The following IQCK variants were observed in gnomAD, a reference collection of about 807,000 sequenced individuals.
The protein encoded by IQCK is IQ domain-containing protein K.
A neutral mutation model predicts 28.1 loss-of-function variants in IQCK; 29 were observed. The observed-to-expected ratio is 1.03, with a 90% CI of 0.77 to 1.41. The LOEUF is 1.41. IQCK is among the 40% of genes most tolerant of loss of function. IQCK has a pLI of 0.00. For synonymous variants in IQCK, 113 were observed against 115.1 expected (o/e 0.98, Z 0.12); for missense variants, 359 against 314.7 (o/e 1.14, Z -1.07).
chr16:19,785,642 T>G (rs2055552600), intron 6 of IQCK, among the ~76,000 whole-genome samples: 1 of 152,130 alleles, frequency 6.6e-6, no homozygotes, highest in African/African-American at 2.4e-5. Flanking sequence ...TTTGCATAAC[T>G]TTATAACTTC....
chr16:19,723,460 C>T (rs1251458446), intron 1 of IQCK, among the ~76,000 whole-genome samples: 2 of 152,112 alleles, frequency 1.3e-5, no homozygotes, highest in Non-Finnish European at 2.9e-5. Flanking sequence ...TGCATTACTT[C>T]TCATTTAAGC....
chr16:19,764,173 T>C lies in IQCK; in HGVS notation c.605+61T>C, dbSNP rs747125692. On this transcript the variant is annotated intron_variant, in intron 6 of 7. Transcript: ENST00000564186. ...TAATTTAAGATTGTGTTAATAATAC[T>C]TTTCTTCCATCTAAGAGAACAAACT... The C allele has an allele frequency of 2.9e-6, 4 of 1,361,904 alleles. No individual in the cohort carries two copies. In the South Asian group the frequency reaches 3.8e-5, roughly 13 times the overall value. The allele number at this position is 1,361,904 out of a possible 1,614,324, so 84.4% of individuals were successfully genotyped here. A position where few individuals can be genotyped will look rare whatever the true frequency, so the allele number is the denominator to read the frequency against.
chr16:19,855,164 A>G (rs1441687401), intron 9 of IQCK, among the ~76,000 whole-genome samples: 1 of 152,134 alleles, frequency 6.6e-6, no homozygotes, highest in Non-Finnish European at 1.5e-5. Context: ...GCCAGGAATG[A>G]CAGGAGGGTG....
chr16:19,846,435 T>C (rs892721791), intron 9 of IQCK, among the ~76,000 whole-genome samples: 1 of 152,230 alleles, frequency 6.6e-6, no homozygotes, highest in African/African-American at 2.4e-5. Flanking sequence ...ATCAAGACCC[T>C]TTACGGGGTC....
chr16:19,826,509 C>A (rs1446393915), intron 7 of IQCK, among the ~76,000 whole-genome samples: 1 of 152,124 alleles, frequency 6.6e-6, no homozygotes, highest in Non-Finnish European at 1.5e-5. Context: ...TCCTAAGTAG[C>A]TGGGATTACA....
rs1212400548 is a variant in IQCK, at chr16:19,770,418, A to T, written c.605+6306A>T. On this transcript the variant is annotated intron_variant, in intron 6 of 7. Transcript: ENST00000564186. ...TACTGTTCAGGAGGTCCAGAGATTG[A>T]CTTGGATTTCACTGGGGTGAAATCA... Among the ~76,000 whole-genome samples the T allele has an allele frequency of 2.6e-5, 4 of 152,182 alleles. No individual in the cohort carries two copies. In the East Asian group the frequency reaches 7.7e-4, roughly 29 times the overall value.
chr16:19,845,579 A>G (rs1372313287), intron 9 of IQCK, among the ~76,000 whole-genome samples: 1 of 152,234 alleles, frequency 6.6e-6, no homozygotes, highest in Non-Finnish European at 1.5e-5. Flanking sequence ...TCCAATCTTA[A>G]TGTATTTCAG....
intron 2 of IQCK, among the ~76,000 whole-genome samples, chr16:19,731,449 G>T (rs1324055780): frequency 6.6e-6 from 1 of 152,174 alleles, no homozygotes; most frequent in Non-Finnish European, 1.5e-5. Flanking sequence ...CTTGTTCTGT[G>T]ATTGTTCCTT....
intron 6 of IQCK, among the ~76,000 whole-genome samples, chr16:19,783,016 T>A (rs549493833): frequency 1.4e-5 from 2 of 147,938 alleles, no homozygotes; most frequent in South Asian, 2.1e-4. Flanking sequence ...TGTGTGTGTG[T>A]GAGACGGAGT....
chr16:19,810,442 A>G (rs2055889035), intron 7 of IQCK, among the ~76,000 whole-genome samples: 1 of 151,118 alleles, frequency 6.6e-6, no homozygotes, highest in Admixed American at 6.6e-5. Context: ...GCTTGCAGTG[A>G]GCCGAGATCG....
chr16:19,785,345 T>G lies in IQCK; in HGVS notation c.606-3493T>G, dbSNP rs1051899783. On this transcript the variant is annotated intron_variant, in intron 6 of 7. Coordinates refer to ENST00000564186, the Ensembl canonical transcript of IQCK. ...ATACTGGAGGCAGAGGAAAGCACCT[T>G]AGCAAAGGCCCTGAGGTGGGAGAAG... Among the ~76,000 whole-genome samples the G allele has an allele frequency of 3.3e-5, 5 of 152,016 alleles. No homozygotes were observed. The East Asian group carries it at 9.7e-4, about 29-fold the overall frequency.
intron 7 of IQCK, among the ~76,000 whole-genome samples, chr16:19,821,455 T>C (rs1336260447): frequency 1.3e-5 from 2 of 152,124 alleles, no homozygotes; most frequent in Non-Finnish European, 2.9e-5. Context: ...ATCCCAGCAC[T>C]CTGGGAGACC....
chr16:19,811,038 C>G (rs915995407), intron 7 of IQCK, among the ~76,000 whole-genome samples: 1 of 152,194 alleles, frequency 6.6e-6, no homozygotes, highest in Admixed American at 6.5e-5. Flanking sequence ...AATCCCAACA[C>G]TTTGGGAGGC....
At position 19,767,031 on chromosome 16, in the gene IQCK, C is replaced by T. The variant is rs1411099799; in HGVS notation, c.605+2919C>T. ...GTTGCAGTGAGCCAAGAAGGTGAAACGGGAAAAATTACCTTGTCCCCCTCG... is the reference window on the plus strand; with the variant it reads ...GTTGCAGTGAGCCAAGAAGGTGAAATGGGAAAAATTACCTTGTCCCCCTCG... On this transcript the variant is annotated intron_variant, in intron 6 of 7. Coordinates refer to ENST00000564186, the Ensembl canonical transcript of IQCK. 3.9e-5 allele frequency among the ~76,000 whole-genome samples: 6 copies of T among 152,148 alleles called. No homozygotes were observed. In the South Asian group the frequency reaches 8.3e-4, roughly 21 times the overall value.
At chr16:19,836,078 G>A (rs1214793370) in intron 9 of IQCK, among the ~76,000 whole-genome samples, 1 of 152,296 alleles carries the variant, frequency 6.6e-6, no homozygotes, top group Admixed American at 6.5e-5. Context: ...TTCTCTACTT[G>A]TAAAATGAGA....
chr16:19,805,035 G>A (rs528864370), intron 7 of IQCK, among the ~76,000 whole-genome samples: 3 of 152,218 alleles, frequency 2.0e-5, no homozygotes, highest in African/African-American at 7.2e-5. Flanking sequence ...TGCTGCAGCT[G>A]TTCCAGGAAG....
intron 9 of IQCK, among the ~76,000 whole-genome samples, chr16:19,851,394 T>G (rs2056479895): frequency 6.6e-6 from 1 of 152,202 alleles, no homozygotes; most frequent in Non-Finnish European, 1.5e-5. Flanking sequence ...GCTGAGGCCC[T>G]GTCTGGACAA....
At chr16:19,847,861 G>T (rs1181872204) in intron 9 of IQCK, among the ~76,000 whole-genome samples, 3 of 152,166 alleles carry the variant, frequency 2.0e-5, no homozygotes, top group African/African-American at 7.2e-5. Flanking sequence ...GGAGTGCAGT[G>T]GTGCAATCAT....
chr16:19,849,624 TG>T (rs974436521), intron 9 of IQCK, among the ~76,000 whole-genome samples: 2 of 151,634 alleles, frequency 1.3e-5, no homozygotes, highest in African/African-American at 2.4e-5. Context: ...TATTCGGGCA[TG>T]GTGGTGCACA....
Sources: gnomAD v4.1 joint callset for allele counts (sites outside exome capture counted in the v4.1 genomes callset) on GRCh38, gnomAD v4.1.1 for gene constraint, MANE v1.5 for transcripts, NCBI Gene and HGNC (gene_info 2026-07-23, HGNC 2026-07-21) for gene names.